GPRIN3: variants seen among roughly 807,000 people sequenced by gnomAD.
GPRIN3 encodes the protein GPRIN family member 3, also known as G protein-regulated inducer of neurite outgrowth 3.
In GPRIN3, 12 loss-of-function variants were observed where a neutral mutation model predicts 13.7. That is an observed-to-expected ratio of 0.87 (90% CI 0.56 to 1.42). The LOEUF is 1.42. Among genes scored for constraint, GPRIN3 ranks in the 40% most tolerant of loss-of-function variants. The pLI is 0.00. For missense variants in GPRIN3, 1,009 were observed against 958.7 expected, an observed-to-expected ratio of 1.05 and a Z score of -0.69; for synonymous variants, 377 against 372.7, an observed-to-expected ratio of 1.01 and a Z score of -0.13.
rs191253845 is a variant in GPRIN3 at position 89,262,431 on chromosome 4, T to C, written c.-123-12198A>G. Among the ~76,000 whole-genome samples, 228 of 152,222 alleles carry C rather than the reference T, an allele frequency of 1.5e-3. 1 individual carries two copies. The highest frequency in any genetic ancestry group is 3.0e-3 in the Non-Finnish European group (206 of 68,002). Reference sequence around the variant, plus strand: ...TTTGTATTTTTGGAATTTTAAACTATATGAACTTATTACCTACTCAAAAAT... The same window carrying C: ...TTTGTATTTTTGGAATTTTAAACTACATGAACTTATTACCTACTCAAAAAT... On this transcript the variant is annotated intron_variant, in intron 1 of 1. Transcript: ENST00000609438.
At chr4:89,307,456 T>G (rs1725065068) in intron 1 of GPRIN3, among the ~76,000 whole-genome samples, 159 bp downstream of exon 1, 1 of 152,076 alleles carries the variant, frequency 6.6e-6, no homozygotes, top group Non-Finnish European at 1.5e-5. Context: ...AGACTGCCCC[T>G]CCTAGAGCGC....
chr4:89,247,476 A>G lies in GPRIN3; in HGVS notation c.*304T>C. 1 of 287,748 alleles carries G rather than the reference A, an allele frequency of 3.5e-6. No individual in the cohort carries two copies. Among genetic ancestry groups the G allele is most frequent in the Non-Finnish European group, 6.4e-6 (1 of 155,124 alleles). The allele number at this position is 287,748 out of a possible 1,614,324, so 17.8% of individuals were successfully genotyped here. ...ATAATACATGTATAATGATACAATA[A>G]TGCTATTTCTATGAACAACATCATA... On this transcript the variant is annotated 3_prime_UTR_variant, in exon 2 of 2. Coordinates refer to ENST00000609438, the MANE Select transcript of GPRIN3 (RefSeq NM_198281.3).
In GPRIN3 at chr4:89,253,064, C is replaced by T. The variant is rs115891322; in HGVS notation, c.-123-2831G>A. Among the ~76,000 whole-genome samples, 70 of 150,580 alleles carry T rather than the reference C, an allele frequency of 4.6e-4. 1 individual carries two copies. The highest frequency in any genetic ancestry group is 1.7e-3 in the African/African-American group (70 of 41,052). On this transcript the variant is annotated intron_variant, in intron 1 of 1. Transcript: ENST00000609438. Reference sequence around the variant, plus strand: ...CTACAGGTTGGTTGGTCGTCTGTGTCCTTTGTATTGTTCTTTTCATGCACT... The same window carrying T: ...CTACAGGTTGGTTGGTCGTCTGTGTTCTTTGTATTGTTCTTTTCATGCACT...
In GPRIN3 at chr4:89,239,559, T is replaced by C. The variant is rs900971223; in HGVS notation, c.*8221A>G. The C allele has an allele frequency of 6.6e-6, 1 of 152,238 alleles. No individual in the cohort carries two copies. The highest frequency in any genetic ancestry group is 1.5e-5 in the Non-Finnish European group (1 of 68,046). The allele number at this position is 152,238 out of a possible 1,614,324, so 9.4% of individuals were successfully genotyped here. ...GATGGCACATTCGTTCTCTAAAACA[T>C]GAATATGTTTTTAAATGTTATTCTT... On this transcript the variant is annotated 3_prime_UTR_variant, in exon 2 of 2. Transcript: ENST00000609438.
At chr4:89,296,125 T>C (rs1480796499) in intron 1 of GPRIN3, among the ~76,000 whole-genome samples, 1 of 152,172 alleles carries the variant, frequency 6.6e-6, no homozygotes, top group African/African-American at 2.4e-5. Context: ...AAAGCAGTGC[T>C]CTCTACTGTG....
In GPRIN3 at chr4:89,267,205, C is replaced by G. The variant is rs374925191; in HGVS notation, c.-123-16972G>C. 1.8e-3 allele frequency among the ~76,000 whole-genome samples: 273 copies of G among 152,222 alleles called. 11 individuals carry two copies. In the South Asian group the frequency reaches 0.055, roughly 31 times the overall value. On this transcript the variant is annotated intron_variant, in intron 1 of 1. Transcript: ENST00000609438. Reference sequence around the variant, plus strand: ...TCGAACCCCATAGCCAAGAGGTTTCCCATTTTATAATCCTTGTTAAAACTT... The same window carrying G: ...TCGAACCCCATAGCCAAGAGGTTTCGCATTTTATAATCCTTGTTAAAACTT...
At position 89,249,664 on chromosome 4, in the gene GPRIN3, G is replaced by A. The variant is rs374943619; in HGVS notation, c.447C>T (p.Ser149=). The A allele has an allele frequency of 6.2e-7, 1 of 1,614,078 alleles. No individual in the cohort carries two copies. Among genetic ancestry groups the A allele is most frequent in the African/African-American group, 1.3e-5 (1 of 74,932 alleles). The change falls in exon 2 of 2, where the codon TCC becomes TCT. Residue 149 remains serine (S), a synonymous_variant. Transcript: ENST00000609438. ...PGDQPNAITS[S]MPEDSLMRSQ... ...ATCTCATCAGGGAATCTTCAGGCAT[G>A]GATGAGGTGATGGCATTGGGCTGAT... is the stretch of plus-strand genomic sequence containing the variant.
chr4:89,264,201 C>T (rs928104936), intron 1 of GPRIN3, among the ~76,000 whole-genome samples: 4 of 152,208 alleles, frequency 2.6e-5, no homozygotes, highest in African/African-American at 9.6e-5. Flanking sequence ...ATAATGTCTT[C>T]CCTTGCAGAT....
At chr4:89,279,400 C>T (rs1724183657) in intron 1 of GPRIN3, among the ~76,000 whole-genome samples, 1 of 152,142 alleles carries the variant, frequency 6.6e-6, no homozygotes, top group Non-Finnish European at 1.5e-5. Context: ...TGGATGACAG[C>T]GTGCTCAAGC....
intron 1 of GPRIN3, among the ~76,000 whole-genome samples, chr4:89,260,506 C>T (rs1022136780): frequency 2.0e-5 from 3 of 152,162 alleles, no homozygotes. Flanking sequence ...ATCGCGAGTA[C>T]ATAAAGGTTT....
At chr4:89,282,993 A>C (rs1271914477) in intron 1 of GPRIN3, among the ~76,000 whole-genome samples, 4 of 152,212 alleles carry the variant, frequency 2.6e-5, no homozygotes, top group Non-Finnish European at 5.9e-5. Context: ...TTTTTCTGAA[A>C]GTGATAAGAA....
intron 1 of GPRIN3, among the ~76,000 whole-genome samples, chr4:89,281,251 G>A (rs540257765): frequency 6.6e-6 from 1 of 152,108 alleles, no homozygotes; most frequent in South Asian, 2.1e-4. Flanking sequence ...AGCCTTCCAA[G>A]TAGCTGGGAT....
At chr4:89,289,234 T>C (rs1464902355) in intron 1 of GPRIN3, among the ~76,000 whole-genome samples, 1 of 151,466 alleles carries the variant, frequency 6.6e-6, no homozygotes, top group East Asian at 1.9e-4. Flanking sequence ...TTCTATTACA[T>C]AATAAGTGCG....
At chr4:89,284,237 A>AATGAACGGC (rs962337648) in intron 1 of GPRIN3, among the ~76,000 whole-genome samples, 3 of 152,180 alleles carry the variant, frequency 2.0e-5, no homozygotes, top group Non-Finnish European at 4.4e-5. Flanking sequence ...CACTAAAGCA[A>AATGAACGGC]ATGAACGGCA....
At position 89,247,090 on chromosome 4, in the gene GPRIN3, T is replaced by C. The variant is rs1324015540; in HGVS notation, c.*690A>G. On this transcript the variant is annotated 3_prime_UTR_variant, in exon 2 of 2. Coordinates refer to ENST00000609438, the MANE Select transcript of GPRIN3 (RefSeq NM_198281.3). Reference sequence around the variant, plus strand: ...CCATGTTTAATGTAGGCAGTTTTCATAGTCAAAAGCTTAGCTAATGTTCCT... The same window carrying C: ...CCATGTTTAATGTAGGCAGTTTTCACAGTCAAAAGCTTAGCTAATGTTCCT... 1 of 152,246 alleles carries C rather than the reference T, an allele frequency of 6.6e-6. No homozygotes were observed. Among genetic ancestry groups the C allele is most frequent in the Non-Finnish European group, 1.5e-5 (1 of 68,052 alleles). The allele number at this position is 152,246 out of a possible 1,614,324, so 9.4% of individuals were successfully genotyped here.
intron 1 of GPRIN3, among the ~76,000 whole-genome samples, chr4:89,303,814 A>G (rs1724965416): frequency 6.7e-6 from 1 of 150,002 alleles, no homozygotes; most frequent in African/African-American, 2.4e-5. Context: ...TAAAAAATAT[A>G]TAAAATATGT....
intron 1 of GPRIN3, among the ~76,000 whole-genome samples, chr4:89,264,707 T>C (rs892968697): frequency 1.1e-4 from 17 of 152,316 alleles, no homozygotes; most frequent in African/African-American, 2.9e-4. Context: ...TTTGCTCATA[T>C]GTCCATTTGC....
At chr4:89,278,534 T>G (rs920138904) in intron 1 of GPRIN3, among the ~76,000 whole-genome samples, 3 of 152,226 alleles carry the variant, frequency 2.0e-5, no homozygotes, top group Non-Finnish European at 4.4e-5. Flanking sequence ...GCATCCATTA[T>G]TCCATTGGCG....
rs944738067 is a variant in GPRIN3, at chr4:89,237,048, G to A, written c.*10732C>T. 1 of 152,072 alleles carries A rather than the reference G, an allele frequency of 6.6e-6. No homozygotes were observed. Among genetic ancestry groups the A allele is most frequent in the Non-Finnish European group, 1.5e-5 (1 of 68,032 alleles). 9.4% of individuals were successfully genotyped at this position (152,072 alleles called of 1,614,324 possible). A position where few individuals can be genotyped will look rare whatever the true frequency, so the allele number is the denominator to read the frequency against. Reference sequence around the variant, plus strand: ...TTATTATTTTTAATGGCAGGTCAAGGCTCTTTTGCAGTTTGATTGAGAGAC... The same window carrying A: ...TTATTATTTTTAATGGCAGGTCAAGACTCTTTTGCAGTTTGATTGAGAGAC... On this transcript the variant is annotated 3_prime_UTR_variant, in exon 2 of 2. Coordinates refer to ENST00000609438, the MANE Select transcript of GPRIN3 (RefSeq NM_198281.3).
Sources: gnomAD v4.1 joint callset for allele counts (sites outside exome capture counted in the v4.1 genomes callset) on GRCh38, gnomAD v4.1.1 for gene constraint, MANE v1.5 for transcripts, NCBI Gene and HGNC (gene_info 2026-07-23, HGNC 2026-07-21) for gene names.